The following LSAMP variants were observed in gnomAD, a reference collection of about 807,000 sequenced individuals.
LSAMP encodes limbic system-associated membrane protein.
Under a neutral mutation model 38.6 loss-of-function variants are expected in LSAMP, and 7 were observed. That is an observed-to-expected ratio of 0.18 (90% CI 0.10 to 0.34). The LOEUF (loss-of-function observed/expected upper bound fraction) is 0.34, where lower values mean the gene tolerates loss of function less well. LSAMP is among the 10% of genes least tolerant of loss of function. LSAMP has a pLI of 1.00. For synonymous variants in LSAMP, 154 were observed against 166.8 expected (o/e 0.92, Z 0.59); for missense variants, 313 against 420.0 (o/e 0.75, Z 2.23).
At chr3:116,269,599 G>A (rs2046942604) in intron 1 of LSAMP, among the ~76,000 whole-genome samples, 1 of 152,050 alleles carries the variant, frequency 6.6e-6, no homozygotes, top group Non-Finnish European at 1.5e-5. Flanking sequence ...TTATTTCATT[G>A]TACAGCAGCC....
chr3:116,008,291 T>G (rs1344369879), intron 3 of LSAMP, among the ~76,000 whole-genome samples: 3 of 152,216 alleles, frequency 2.0e-5, no homozygotes, highest in Admixed American at 6.5e-5. Context: ...TAAACCCATA[T>G]AAAAGTAAAT....
intron 1 of LSAMP, among the ~76,000 whole-genome samples, chr3:116,319,804 G>GTT (rs1200435851): frequency 2.2e-4 from 28 of 128,352 alleles, no homozygotes; most frequent in African/African-American, 8.0e-4. Flanking sequence ...TTTTTTTTTT[G>GTT]TTTTTTTTTT....
chr3:116,193,714 A>G (rs925772759), intron 1 of LSAMP, among the ~76,000 whole-genome samples: 1 of 152,178 alleles, frequency 6.6e-6, no homozygotes, highest in African/African-American at 2.4e-5. Context: ...AATCCTGGCC[A>G]CCAAAATGTA....
intron 1 of LSAMP, among the ~76,000 whole-genome samples, chr3:116,120,983 C>A (rs1295311324): frequency 6.6e-6 from 1 of 152,148 alleles, no homozygotes; most frequent in Non-Finnish European, 1.5e-5. Flanking sequence ...AGGTGGATGA[C>A]AAACTCTGTG....
intron 1 of LSAMP, among the ~76,000 whole-genome samples, chr3:116,213,032 T>G (rs2046179765): frequency 6.6e-6 from 1 of 152,232 alleles, no homozygotes; most frequent in Non-Finnish European, 1.5e-5. Flanking sequence ...TTAAACTATA[T>G]TCAAAGATCC....
At chr3:115,873,266 A>G (rs1360452538) in intron 3 of LSAMP, among the ~76,000 whole-genome samples, 2 of 151,716 alleles carry the variant, frequency 1.3e-5, no homozygotes, top group African/African-American at 2.4e-5. Context: ...GCTACTCAGG[A>G]GGCTAACTTG....
At chr3:116,168,979 T>C (rs1431651499) in intron 1 of LSAMP, among the ~76,000 whole-genome samples, 2 of 152,076 alleles carry the variant, frequency 1.3e-5, no homozygotes, top group African/African-American at 4.8e-5. Flanking sequence ...GGCAGGAGGA[T>C]CATTTGAGGC....
intron 6 of LSAMP, among the ~76,000 whole-genome samples, chr3:115,828,401 C>A (rs1327513905): frequency 6.6e-6 from 1 of 152,128 alleles, no homozygotes; most frequent in Non-Finnish European, 1.5e-5. Flanking sequence ...AGGACTCTCA[C>A]TCCATACAGT....
At chr3:116,109,917 A>T (rs150030086) in intron 1 of LSAMP, among the ~76,000 whole-genome samples, 41,288 of 146,456 alleles carry the variant, frequency 0.28, 7,690 homozygotes, top group African/African-American at 0.54. Context: ...AGATAAGAGG[A>T]TGGGGTGCGG....
At chr3:116,017,651 C>T (rs1940521389) in intron 3 of LSAMP, among the ~76,000 whole-genome samples, 1 of 152,004 alleles carries the variant, frequency 6.6e-6, no homozygotes, top group South Asian at 2.1e-4. Flanking sequence ...TACTAACAGT[C>T]AAACAATAAA....
chr3:116,150,783 A>G (rs1255912406), intron 1 of LSAMP, among the ~76,000 whole-genome samples: 2 of 152,056 alleles, frequency 1.3e-5, no homozygotes, highest in Admixed American at 6.6e-5. Context: ...AGCAAGTTTT[A>G]AAACAGTAAA....
intron 1 of LSAMP, among the ~76,000 whole-genome samples, chr3:116,264,649 T>A (rs953065911): frequency 5.3e-5 from 8 of 152,202 alleles, no homozygotes; most frequent in African/African-American, 1.9e-4. Context: ...TCGCCCAGGC[T>A]AGAGTGCAGT....
chr3:116,131,892 A>C (rs1029825746), intron 1 of LSAMP, among the ~76,000 whole-genome samples: 2 of 150,238 alleles, frequency 1.3e-5, no homozygotes, highest in Non-Finnish European at 3.0e-5. Context: ...CAGTGGTGCG[A>C]TGTCAGCTTA....
chr3:116,432,005 A>T (rs1315495003), intron 1 of LSAMP, among the ~76,000 whole-genome samples: 1 of 152,088 alleles, frequency 6.6e-6, no homozygotes, highest in Admixed American at 6.6e-5. Context: ...GATTGCCAAG[A>T]TCTAATAGAA....
At chr3:115,909,271 A>G (rs1937082848) in intron 3 of LSAMP, among the ~76,000 whole-genome samples, 2 of 152,162 alleles carry the variant, frequency 1.3e-5, no homozygotes, top group African/African-American at 4.8e-5. Flanking sequence ...TTCTCTGCCT[A>G]CCTGCCCAGG....
chr3:116,270,809 C>CAAAT (rs200687259), intron 1 of LSAMP, among the ~76,000 whole-genome samples: 1,765 of 152,134 alleles, frequency 0.012, 21 homozygotes, highest in Non-Finnish European at 0.018. Context: ...CGAACAAAAC[C>CAAAT]AAATATCCCA....
intron 1 of LSAMP, among the ~76,000 whole-genome samples, chr3:116,436,925 A>G (rs999525196): frequency 9.2e-5 from 14 of 151,990 alleles, no homozygotes; most frequent in African/African-American, 3.4e-4. Flanking sequence ...CAACTGCAAA[A>G]TTGTGAAGCC....
At chr3:116,057,967 A>ACACACC (rs1553699985) in intron 2 of LSAMP, among the ~76,000 whole-genome samples, 3,412 of 147,432 alleles carry the variant, frequency 0.023, 74 homozygotes, top group Admixed American at 0.058. Context: ...CCACACACAC[A>ACACACC]CACACACACA....
At chr3:116,264,960 A>G (rs1320742972) in intron 1 of LSAMP, among the ~76,000 whole-genome samples, 1 of 152,170 alleles carries the variant, frequency 6.6e-6, no homozygotes, top group Non-Finnish European at 1.5e-5. Flanking sequence ...GGAGCTGAAC[A>G]TTCCAACCTT....
Sources: gnomAD v4.1 joint callset for allele counts (sites outside exome capture counted in the v4.1 genomes callset) on GRCh38, gnomAD v4.1.1 for gene constraint, MANE v1.5 for transcripts, NCBI Gene and HGNC (gene_info 2026-07-23, HGNC 2026-07-21) for gene names.